NR5A2: variants seen among roughly 807,000 people sequenced by gnomAD.
NR5A2 encodes CYP7A promoter-binding factor.
In NR5A2, 26 loss-of-function variants were observed where a neutral mutation model predicts 62.7. That is an observed-to-expected ratio of 0.41 (90% CI 0.30 to 0.58). The LOEUF is 0.58. NR5A2 is among the 20% of genes least tolerant of loss of function. The pLI, the probability that NR5A2 is intolerant of heterozygous loss-of-function variation, is 0.22. For synonymous variants in NR5A2, 246 were observed against 241.7 expected, an observed-to-expected ratio of 1.02 and a Z score of -0.16; for missense variants, 541 against 669.1, an observed-to-expected ratio of 0.81 and a Z score of 2.11.
chr1:200,089,603 G>A (rs1664721229), intron 5 of NR5A2, among the ~76,000 whole-genome samples: 1 of 152,178 alleles, frequency 6.6e-6, no homozygotes, highest in Admixed American at 6.5e-5. Context: ...CTGAGTAGCT[G>A]AGACTATAGG....
At chr1:200,061,860 C>T (rs1663235287) in intron 5 of NR5A2, among the ~76,000 whole-genome samples, 1 of 152,146 alleles carries the variant, frequency 6.6e-6, no homozygotes, top group African/African-American at 2.4e-5. Context: ...TGTCACATGT[C>T]TAAATGCCCT....
chr1:200,169,571 T>A (rs907437596), intron 7 of NR5A2, among the ~76,000 whole-genome samples: 6 of 152,318 alleles, frequency 3.9e-5, no homozygotes, highest in Admixed American at 3.3e-4. Context: ...CCTAAGGGTT[T>A]ACTTTCCAAT....
At chr1:200,127,695 A>ATATATATATATACAT (rs1319267251) in intron 7 of NR5A2, among the ~76,000 whole-genome samples, 1 of 78,778 alleles carries the variant, frequency 1.3e-5, no homozygotes, top group Non-Finnish European at 2.6e-5. Context: ...AAAAAAAAAA[A>ATATATATATATACAT]AAAAAAAAAA....
At chr1:200,087,647 G>A (rs759992174) in intron 5 of NR5A2, among the ~76,000 whole-genome samples, 6 of 151,934 alleles carry the variant, frequency 3.9e-5, no homozygotes, top group Non-Finnish European at 5.9e-5. Context: ...TGCCTGCCTC[G>A]GCCTCTCAAA....
intron 5 of NR5A2, among the ~76,000 whole-genome samples, chr1:200,104,731 C>A (rs796780397): frequency 3.3e-5 from 5 of 152,274 alleles, no homozygotes; most frequent in African/African-American, 1.2e-4. Flanking sequence ...GGCGCGATCT[C>A]GGCTCACTGC....
intron 7 of NR5A2, among the ~76,000 whole-genome samples, chr1:200,131,954 A>T (rs1232445606): frequency 6.6e-6 from 1 of 152,172 alleles, no homozygotes; most frequent in Non-Finnish European, 1.5e-5. Context: ...ATCACACAAA[A>T]TATATTGAGT....
chr1:200,124,411 A>T (rs1055319945), intron 7 of NR5A2, among the ~76,000 whole-genome samples: 1 of 152,188 alleles, frequency 6.6e-6, no homozygotes, highest in African/African-American at 2.4e-5. Flanking sequence ...AAGTCCTTCT[A>T]GTTTGCTCTC....
Position 200,147,448 on chromosome 1 carries a change from T to C in NR5A2, c.1378+26493T>C. ...CTTATCTGTTTATGGGGCTGCCTCC[T>C]CCAGTACACGGAGAGCTCTTTGAGG... On this transcript the variant is annotated intron_variant, in intron 7 of 7. Transcript: ENST00000367362. This position sits in a 1 kb window ranked among gnomAD's most constrained non-coding sequence, Gnocchi z 4.9. 1 of 545,904 alleles carries C rather than the reference T, an allele frequency of 1.8e-6. No homozygotes were observed. The highest frequency in any genetic ancestry group is 3.5e-6 in the Non-Finnish European group (1 of 282,642). The allele number at this position is 545,904 out of a possible 1,614,324, so 33.8% of individuals were successfully genotyped here.
At chr1:200,167,252 C>T (rs1327401671) in intron 7 of NR5A2, among the ~76,000 whole-genome samples, 1 of 152,148 alleles carries the variant, frequency 6.6e-6, no homozygotes, top group Non-Finnish European at 1.5e-5. Flanking sequence ...CATACCTAGA[C>T]TCCTTAAATA....
At chr1:200,171,983 T>C (rs1440788519) in intron 7 of NR5A2, among the ~76,000 whole-genome samples, 1 of 152,228 alleles carries the variant, frequency 6.6e-6, no homozygotes, top group South Asian at 2.1e-4. Flanking sequence ...CAAACAACTT[T>C]CTAAAAAGGG....
intron 7 of NR5A2, among the ~76,000 whole-genome samples, chr1:200,142,872 A>G (rs1214734362): frequency 6.6e-6 from 1 of 152,022 alleles, no homozygotes. Flanking sequence ...TTTTAGATGA[A>G]TAATATCTCT....
intron 7 of NR5A2, among the ~76,000 whole-genome samples, chr1:200,132,978 T>C (rs1259620436): frequency 6.6e-6 from 1 of 152,172 alleles, no homozygotes; most frequent in Non-Finnish European, 1.5e-5. Flanking sequence ...GTAAGAAAAT[T>C]TAAGCTAATG....
At chr1:200,155,558 C>T (rs907879228) in intron 7 of NR5A2, among the ~76,000 whole-genome samples, 4 of 152,118 alleles carry the variant, frequency 2.6e-5, no homozygotes, top group Middle Eastern at 3.2e-3. Flanking sequence ...ACTGCCAGGT[C>T]GACTACCAGT....
At chr1:200,027,933 G>T in intron 1 of NR5A2, 22 bp downstream of exon 1, 1 of 1,524,198 alleles carries the variant, frequency 6.6e-7, no homozygotes, top group South Asian at 1.2e-5. Flanking sequence ...TTTCTCTATT[G>T]ATCATCTATT....
rs941499973 is a variant in NR5A2, at chr1:200,044,130, T to C, written c.321+238T>C. 5 of 356,612 alleles carry C rather than the reference T, an allele frequency of 1.4e-5. No individual in the cohort carries two copies. In the Admixed American group the frequency reaches 1.8e-4, roughly 13 times the overall value. 22.1% of individuals were successfully genotyped at this position (356,612 alleles called of 1,614,324 possible). A position where few individuals can be genotyped will look rare whatever the true frequency, so the allele number is the denominator to read the frequency against. On this transcript the variant is annotated intron_variant, in intron 3 of 7. Transcript: ENST00000367362. ...AGTCTCATGGTTCTAAAATACTTTA[T>C]TGTAGTAAAGTGATATAGCTGTAGA...
At chr1:200,058,826 C>T (rs955576205) in intron 5 of NR5A2, among the ~76,000 whole-genome samples, 6 of 149,372 alleles carry the variant, frequency 4.0e-5, no homozygotes, top group South Asian at 2.1e-4. Flanking sequence ...TAGAGGAGGC[C>T]CAGACAGGTG....
intron 7 of NR5A2, among the ~76,000 whole-genome samples, chr1:200,144,467 G>GAAATGCCAT (rs1177649452): frequency 6.6e-6 from 1 of 152,068 alleles, no homozygotes; most frequent in African/African-American, 2.4e-5. Context: ...CTCTCTTCTT[G>GAAATGCCAT]AAATGCCATT....
chr1:200,128,725 A>G (rs928644454), intron 7 of NR5A2, among the ~76,000 whole-genome samples: 1 of 152,150 alleles, frequency 6.6e-6, no homozygotes, highest in African/African-American at 2.4e-5. Flanking sequence ...GCAGGCAGAG[A>G]GGAGTGTAGT....
chr1:200,171,049 T>C (rs1654152648), intron 7 of NR5A2, among the ~76,000 whole-genome samples: 1 of 152,172 alleles, frequency 6.6e-6, no homozygotes, highest in South Asian at 2.1e-4. Context: ...GCTTACGGTC[T>C]GCATAGGGAA....
Sources: allele counts gnomAD v4.1 joint callset (sites outside exome capture counted in the v4.1 genomes callset), GRCh38; gene constraint gnomAD v4.1.1; non-coding constraint Gnocchi (gnomAD v3.1); transcripts MANE v1.5; gene names NCBI Gene and HGNC (gene_info 2026-07-23, HGNC 2026-07-21).